The following F13A1 variants were observed in gnomAD, a reference collection of about 807,000 sequenced individuals.
The protein encoded by F13A1 is coagulation factor XIII A chain.
In F13A1, 47 loss-of-function variants were observed where a neutral mutation model predicts 80.1. The observed-to-expected ratio is 0.59, with a 90% CI of 0.46 to 0.75. The LOEUF (loss-of-function observed/expected upper bound fraction) is 0.75, where lower values mean the gene tolerates loss of function less well. Among genes scored for constraint, F13A1 ranks in the 30% least tolerant of loss-of-function variants. The pLI, the probability that F13A1 is intolerant of heterozygous loss-of-function variation, is 0.00. For missense variants in F13A1, 817 were observed against 930.4 expected, an observed-to-expected ratio of 0.88 and a Z score of 1.59; for synonymous variants, 349 against 344.9, an observed-to-expected ratio of 1.01 and a Z score of -0.13.
intron 10 of F13A1, among the ~76,000 whole-genome samples, chr6:6,190,433 C>T (rs1250293299): frequency 1.3e-5 from 2 of 151,002 alleles, no homozygotes; most frequent in East Asian, 1.9e-4. Flanking sequence ...TGTTAGTTTT[C>T]CTTCTAACAG....
At position 6,190,361 on chromosome 6, in the gene F13A1, A is replaced by C. The variant is rs1415831447; in HGVS notation, c.1305+5436T>G. On this transcript the variant is annotated intron_variant, in intron 10 of 14. Transcript: ENST00000264870. ...TTTCCCCATCCTTGTGGTTTTATCT[A>C]CTTTTGGTCTTTGATGATGGTGATG... Among the ~76,000 whole-genome samples the C allele has an allele frequency of 3.3e-5, 5 of 151,788 alleles. No homozygotes were observed. The South Asian group carries it at 1.0e-3, about 32-fold the overall frequency.
In F13A1 at chr6:6,248,364, T is replaced by A. The variant is rs754876753; in HGVS notation, c.746A>T (p.Asp249Val). The A allele has an allele frequency of 2.2e-5, 35 of 1,613,704 alleles. No individual in the cohort carries two copies. In the South Asian group the frequency reaches 3.8e-4, roughly 18 times the overall value. Residue 249 changes from aspartate (D) to valine (V), a missense_variant, in exon 6 of 15, where the codon GAC (aspartate) becomes GTC (valine). Asp to Val is a radical substitution (Grantham distance 152, BLOSUM62 -3). Coordinates refer to ENST00000264870, the MANE Select transcript of F13A1 (RefSeq NM_000129.4). ...GATGGGATTCCCTCTTCCAGAGAGG[T>A]CCATTTGTGCTCTGTCCATCACATA... The part of the protein sequence containing the change: ...CLYVMDRAQM[D>V]LSGRGNPIKV...
At chr6:6,248,233 C>G in intron 6 of F13A1, 79 bp downstream of exon 6, 1 of 1,105,046 alleles carries the variant, frequency 9.0e-7, no homozygotes. Flanking sequence ...ATCATTTCAG[C>G]AGCTCTTAAT....
intron 13 of F13A1, among the ~76,000 whole-genome samples, chr6:6,164,305 A>G (rs1223131403): frequency 1.3e-5 from 2 of 152,116 alleles, no homozygotes; most frequent in Non-Finnish European, 2.9e-5. Flanking sequence ...GAACACACAG[A>G]AGGAAACAAA....
intron 8 of F13A1, among the ~76,000 whole-genome samples, chr6:6,220,555 CTGTGTGTCTGTCTGTGTGTGTGTG>C (rs1757177533): frequency 6.9e-6 from 1 of 145,820 alleles, no homozygotes; most frequent in African/African-American, 2.6e-5. Flanking sequence ...GTGTGTGTGT[CTGTGTGTCTGTCTGTGTGTGTGTG>C]TGTGTGTCTG....
chr6:6,207,699 C>T (rs192534704), intron 8 of F13A1, among the ~76,000 whole-genome samples: 1 of 152,270 alleles, frequency 6.6e-6, no homozygotes, highest in East Asian at 1.9e-4. Context: ...AAGACTTTCC[C>T]CAACACACAC....
intron 10 of F13A1, among the ~76,000 whole-genome samples, chr6:6,189,867 G>A (rs1452808705): frequency 3.3e-5 from 5 of 152,222 alleles, no homozygotes; most frequent in Admixed American, 6.5e-5. Context: ...ACACCAGTGA[G>A]ACGTAGATTT....
At chr6:6,291,258 T>C (rs777078519) in intron 3 of F13A1, among the ~76,000 whole-genome samples, 1 of 151,976 alleles carries the variant, frequency 6.6e-6, no homozygotes, top group Non-Finnish European at 1.5e-5. Context: ...CCCGTGCCCC[T>C]GTCCTCTATG....
intron 3 of F13A1, among the ~76,000 whole-genome samples, chr6:6,281,704 T>C (rs1319502146): frequency 6.6e-6 from 1 of 152,062 alleles, no homozygotes; most frequent in East Asian, 1.9e-4. Context: ...AAAAAATGTA[T>C]GGAGGACGGC....
chr6:6,152,099 A>T, intron 13 of F13A1, 150 bp from the exon 14 acceptor site: 1 of 865,266 alleles, frequency 1.2e-6, no homozygotes, highest in Non-Finnish European at 1.9e-6. Flanking sequence ...GATTGCTTTG[A>T]CTGGAGGATA....
chr6:6,185,996 GT>G (rs1186535655), intron 10 of F13A1, among the ~76,000 whole-genome samples: 11 of 150,878 alleles, frequency 7.3e-5, no homozygotes, highest in African/African-American at 2.7e-4. Context: ...TTTTTCATGT[GT>G]TTTTTGGCTG....
At chr6:6,213,005 G>C (rs959373502) in intron 8 of F13A1, among the ~76,000 whole-genome samples, 1 of 152,168 alleles carries the variant, frequency 6.6e-6, no homozygotes, top group African/African-American at 2.4e-5. Flanking sequence ...AACCAGAAAA[G>C]CCTCCAAGAA....
chr6:6,269,383 C>A (rs924167136), intron 3 of F13A1, among the ~76,000 whole-genome samples: 1 of 151,914 alleles, frequency 6.6e-6, no homozygotes, highest in African/African-American at 2.4e-5. Flanking sequence ...ATGGGTTTAC[C>A]AATTGCCAAC....
intron 8 of F13A1, among the ~76,000 whole-genome samples, chr6:6,212,155 C>T (rs1405245830): frequency 6.6e-6 from 1 of 152,258 alleles, no homozygotes; most frequent in African/African-American, 2.4e-5. Flanking sequence ...GGCCAGGAAG[C>T]TCGAACTGGG....
Position 6,248,400 on chromosome 6 carries a change from TC to T in F13A1, c.709del (p.Asp237ThrfsTer6), listed in dbSNP as rs1757583415. 3.7e-6 allele frequency: 6 copies of T among 1,613,628 alleles called. No homozygotes were observed. The highest frequency in any genetic ancestry group is 3.4e-6 in the Non-Finnish European group (4 of 1,179,788). On this transcript the variant is annotated frameshift_variant, in exon 6 of 15. Transcript: ENST00000264870. LOFTEE classifies it high-confidence loss of function. ...SYGQFEDGIL[D>X]TCLYVMDRAQ... ...TCTGTCCATCACATACAGGCAAGTG[TC>T]CAGGATGCCATCTTCAAACTATTTG...
chr6:6,185,087 G>C (rs1761054486), intron 10 of F13A1, among the ~76,000 whole-genome samples: 1 of 151,810 alleles, frequency 6.6e-6, no homozygotes, highest in African/African-American at 2.4e-5. Flanking sequence ...AGGATTATTG[G>C]ACTTAGGCTG....
chr6:6,307,185 C>G (rs2113187120), intron 2 of F13A1, among the ~76,000 whole-genome samples: 1 of 152,290 alleles, frequency 6.6e-6, no homozygotes, highest in African/African-American at 2.4e-5. Context: ...TACTGTGGCT[C>G]ACTGCCCCTA....
At chr6:6,249,971 A>G (rs3024381) in intron 5 of F13A1, among the ~76,000 whole-genome samples, 68,682 of 151,932 alleles carry the variant, frequency 0.45, 17,669 homozygotes, top group African/African-American at 0.7. Context: ...AGCAGTGGGT[A>G]AGGAACACAG....
At position 6,316,087 on chromosome 6, in the gene F13A1, A is replaced by G. The variant is rs1427931623; in HGVS notation, c.130+2448T>C. Among the ~76,000 whole-genome samples the G allele has an allele frequency of 9.1e-3, 72 of 7,896 alleles. 6 individuals carry two copies. Among genetic ancestry groups the G allele is most frequent in the South Asian group, 0.027 (5 of 188 alleles). 5.2% of individuals were successfully genotyped at this position (7,896 alleles called of 152,430 possible). ...CTGCTATGTGTGTGTGCATATATAT[A>G]TATATATATATATATATATATATAT... On this transcript the variant is annotated intron_variant, in intron 2 of 14. Transcript: ENST00000264870.
Sources: allele counts gnomAD v4.1 joint callset (sites outside exome capture counted in the v4.1 genomes callset), GRCh38; gene constraint gnomAD v4.1.1; transcripts MANE v1.5; gene names NCBI Gene and HGNC (gene_info 2026-07-23, HGNC 2026-07-21).